The following NALCN variants were observed in gnomAD, a reference collection of about 807,000 sequenced individuals.
The protein encoded by NALCN is sodium leak channel NALCN.
In NALCN, 111 loss-of-function variants were observed where a neutral mutation model predicts 225.3. The observed-to-expected ratio is 0.49, with a 90% CI of 0.42 to 0.58. The LOEUF (loss-of-function observed/expected upper bound fraction) is 0.58, where lower values mean the gene tolerates loss of function less well. NALCN is among the 20% of genes least tolerant of loss of function. The pLI is 0.00. For missense variants in NALCN, 1,378 were observed against 2,202.4 expected, an observed-to-expected ratio of 0.63 and a Z score of 7.49; for synonymous variants, 764 against 769.0, an observed-to-expected ratio of 0.99 and a Z score of 0.11.
chr13:101,066,308 CAAA>C (rs72260451), intron 39 of NALCN, among the ~76,000 whole-genome samples: 4 of 125,116 alleles, frequency 3.2e-5, no homozygotes, highest in Admixed American at 2.5e-4. Context: ...GACTCCATCT[CAAA>C]AAAAAAAAAA....
At chr13:101,136,206 C>A (rs1026981836) in intron 17 of NALCN, among the ~76,000 whole-genome samples, 27 of 152,210 alleles carry the variant, frequency 1.8e-4, no homozygotes. Context: ...AGTGCTCACA[C>A]ACACAGATAT....
chr13:101,126,009 C>A (rs2036210612), intron 17 of NALCN, among the ~76,000 whole-genome samples: 1 of 152,156 alleles, frequency 6.6e-6, no homozygotes, highest in Non-Finnish European at 1.5e-5. Flanking sequence ...TAGTTAGTTT[C>A]TTTTCAACAA....
At chr13:101,235,458 G>A (rs971282907) in intron 12 of NALCN, among the ~76,000 whole-genome samples, 16 of 152,092 alleles carry the variant, frequency 1.1e-4, no homozygotes, top group Non-Finnish European at 2.2e-4. Flanking sequence ...TGATATAAAG[G>A]ATATTCTCTA....
intron 15 of NALCN, among the ~76,000 whole-genome samples, chr13:101,147,019 G>T (rs1210890955): frequency 1.3e-5 from 2 of 152,172 alleles, no homozygotes; most frequent in Non-Finnish European, 2.9e-5. Context: ...AGTTGACTTG[G>T]GGGCTCTAGA....
In NALCN at chr13:101,209,948, T is replaced by A. The variant is rs578254644; in HGVS notation, c.1627-17894A>T. On this transcript the variant is annotated intron_variant, in intron 13 of 43. Transcript: ENST00000251127. ...CTGTTGGATTGAGGCAGGATTTTTA[T>A]CTTTTGCCTGTTGCCTTTTTCTCCG... is the stretch of plus-strand genomic sequence containing the variant. Among the ~76,000 whole-genome samples the A allele has an allele frequency of 2.0e-5, 3 of 152,340 alleles. No homozygotes were observed. In the South Asian group the frequency reaches 6.2e-4, roughly 32 times the overall value.
intron 1 of NALCN, among the ~76,000 whole-genome samples, chr13:101,400,436 C>T (rs563721971): frequency 3.9e-5 from 6 of 152,046 alleles, no homozygotes; most frequent in South Asian, 4.2e-4. Context: ...TAACATCAGG[C>T]GGGTTCACTG....
chr13:101,229,939 T>G (rs928157083), intron 12 of NALCN, among the ~76,000 whole-genome samples: 1 of 152,322 alleles, frequency 6.6e-6, no homozygotes, highest in Admixed American at 6.5e-5. Flanking sequence ...TGCTCAAAAA[T>G]TTAAAGTTTT....
intron 34 of NALCN, among the ~76,000 whole-genome samples, chr13:101,080,099 C>A (rs2033527562): frequency 6.6e-6 from 1 of 152,122 alleles, no homozygotes; most frequent in Admixed American, 6.5e-5. Flanking sequence ...CTCACTTGAT[C>A]TTCATAATGC....
At chr13:101,085,364 G>C (rs926010932) in intron 30 of NALCN, among the ~76,000 whole-genome samples, 1 of 151,776 alleles carries the variant, frequency 6.6e-6, no homozygotes, top group African/African-American at 2.4e-5. Flanking sequence ...ACTACTCCAG[G>C]GCAAAAAACA....
At chr13:101,274,392 C>A (rs1387412390) in intron 10 of NALCN, among the ~76,000 whole-genome samples, 1 of 152,180 alleles carries the variant, frequency 6.6e-6, no homozygotes, top group Non-Finnish European at 1.5e-5. Context: ...GAGATGAAAT[C>A]CCCATTCAGT....
intron 7 of NALCN, among the ~76,000 whole-genome samples, chr13:101,343,229 C>T (rs1289785224): frequency 6.6e-6 from 1 of 152,044 alleles, no homozygotes; most frequent in Non-Finnish European, 1.5e-5. Context: ...CTATCAATTT[C>T]AATCTAAATT....
chr13:101,174,158 A>C (rs1420232292), intron 15 of NALCN, among the ~76,000 whole-genome samples: 1 of 152,206 alleles, frequency 6.6e-6, no homozygotes, highest in African/African-American at 2.4e-5. Flanking sequence ...TCAAGTATGA[A>C]ATTAATAGAA....
intron 17 of NALCN, among the ~76,000 whole-genome samples, chr13:101,136,255 G>T (rs1222301430): frequency 6.6e-6 from 1 of 152,062 alleles, no homozygotes; most frequent in Admixed American, 6.5e-5. Flanking sequence ...AGACCAGTAA[G>T]AAGAAAAAAT....
chr13:101,273,884 CAAAAAAAAAAAA>C (rs34847260), intron 10 of NALCN, among the ~76,000 whole-genome samples: 4 of 95,868 alleles, frequency 4.2e-5, no homozygotes, highest in South Asian at 6.9e-4. Flanking sequence ...GACTCCATCT[CAAAAAAAAAAAA>C]AAAAAAAAAA....
intron 7 of NALCN, among the ~76,000 whole-genome samples, chr13:101,328,385 C>T (rs974318010): frequency 6.6e-6 from 1 of 152,068 alleles, no homozygotes; most frequent in Non-Finnish European, 1.5e-5. Flanking sequence ...GATCTCGGCT[C>T]ATTGCAACCT....
intron 33 of NALCN, among the ~76,000 whole-genome samples, chr13:101,082,336 A>G (rs765809542): frequency 5.3e-5 from 8 of 152,158 alleles, no homozygotes; most frequent in Non-Finnish European, 8.8e-5. Context: ...ATCATGGGAC[A>G]TTTTTCTTCC....
intron 6 of NALCN, among the ~76,000 whole-genome samples, chr13:101,369,166 ATGTGTG>A (rs56739782): frequency 2.3e-4 from 33 of 146,336 alleles, no homozygotes; most frequent in African/African-American, 5.3e-4. Flanking sequence ...GACAAAATAA[ATGTGTG>A]TGTGTGTGTG....
In NALCN at chr13:101,236,463, C is replaced by T. The variant is rs1216935731; in HGVS notation, c.1434+1292G>A. 2.0e-5 allele frequency among the ~76,000 whole-genome samples: 3 copies of T among 152,058 alleles called. No individual in the cohort carries two copies. The South Asian group carries it at 6.2e-4, about 32-fold the overall frequency. On this transcript the variant is annotated intron_variant, in intron 12 of 43. Coordinates refer to ENST00000251127, the MANE Select transcript of NALCN (RefSeq NM_052867.4). ...ATGCTGCTATAAAGACACATGCACA[C>T]GTATGTTTATTGCGGCACTCTTCAC...
chr13:101,144,960 A>G (rs746031920), intron 15 of NALCN, 64 bp from the exon 16 acceptor site: 434 of 1,488,946 alleles, frequency 2.9e-4, no homozygotes, highest in Middle Eastern at 2.4e-3. Flanking sequence ...TACGTTACAC[A>G]AAATTAGTTT....
Sources: allele counts gnomAD v4.1 joint callset (sites outside exome capture counted in the v4.1 genomes callset), GRCh38; gene constraint gnomAD v4.1.1; transcripts MANE v1.5; gene names NCBI Gene and HGNC (gene_info 2026-07-23, HGNC 2026-07-21).